The following KMO variants were observed in gnomAD, a reference collection of about 807,000 sequenced individuals.
KMO encodes kynurenine 3-hydroxylase.
A neutral mutation model predicts 57.8 loss-of-function variants in KMO; 24 were observed. That is an observed-to-expected ratio of 0.42 (90% CI 0.30 to 0.58). KMO has a LOEUF of 0.58. KMO is among the 20% of genes least tolerant of loss of function. KMO has a pLI of 0.22. For missense variants in KMO, 483 were observed against 588.2 expected (o/e 0.82, Z 1.85); for synonymous variants, 210 against 193.6 (o/e 1.08, Z -0.70).
intron 7 of KMO, among the ~76,000 whole-genome samples, chr1:241,563,855 C>A (rs761813203): frequency 2.1e-4 from 32 of 151,564 alleles, no homozygotes; most frequent in Non-Finnish European, 4.3e-4. Flanking sequence ...TCTTTTTTTT[C>A]TTTTGTTCTT....
chr1:241,550,614 G>A (rs2147950134), intron 3 of KMO, among the ~76,000 whole-genome samples: 1 of 152,230 alleles, frequency 6.6e-6, no homozygotes, highest in South Asian at 2.1e-4. Context: ...TTGAATGTTA[G>A]GAACCCTGGG....
intron 1 of KMO, among the ~76,000 whole-genome samples, chr1:241,532,814 A>G (rs1056770837): frequency 2.0e-5 from 3 of 152,214 alleles, no homozygotes; most frequent in African/African-American, 7.2e-5. Flanking sequence ...TTTTATCCCC[A>G]AATTGGCTAT....
chr1:241,556,101 A>G (rs1218775370), intron 5 of KMO, among the ~76,000 whole-genome samples: 1 of 152,184 alleles, frequency 6.6e-6, no homozygotes, highest in African/African-American at 2.4e-5. Context: ...TCTCAAAAAA[A>G]GAAATAAATA....
chr1:241,584,818 A>G (rs559588930), intron 10 of KMO, among the ~76,000 whole-genome samples: 2 of 152,348 alleles, frequency 1.3e-5, no homozygotes, highest in East Asian at 3.9e-4. Context: ...CACAGTGGAT[A>G]AGTGCCCAGG....
chr1:241,590,326 A>T (rs773485054), intron 14 of KMO, 63 bp downstream of exon 14: 2 of 1,293,540 alleles, frequency 1.5e-6, no homozygotes, highest in African/African-American at 1.5e-5. Flanking sequence ...TAGTATTATG[A>T]TTATGTTTGT....
At chr1:241,541,010 A>G (rs1170950196) in intron 1 of KMO, among the ~76,000 whole-genome samples, 5 of 152,184 alleles carry the variant, frequency 3.3e-5, no homozygotes, top group Non-Finnish European at 7.3e-5. Context: ...GCAGTGAACT[A>G]TGATCTCAGC....
rs182222215 is a variant in KMO, at chr1:241,557,480, A to G, written c.361+1820A>G. On this transcript the variant is annotated intron_variant, in intron 5 of 14. Transcript: ENST00000366559. Reference sequence around the variant, plus strand: ...TATCTACTGAATGTAATTGAACGTAATGGGATTCAACTGGGAGGAGGAGGC... The same window carrying G: ...TATCTACTGAATGTAATTGAACGTAGTGGGATTCAACTGGGAGGAGGAGGC... Among the ~76,000 whole-genome samples, 298 of 152,322 alleles carry G rather than the reference A, an allele frequency of 2.0e-3. 2 individuals are homozygous for G. The highest frequency in any genetic ancestry group is 6.8e-3 in the African/African-American group (283 of 41,578).
intron 10 of KMO, among the ~76,000 whole-genome samples, chr1:241,577,250 G>A (rs1662556716): frequency 6.6e-6 from 1 of 151,994 alleles, no homozygotes; most frequent in South Asian, 2.1e-4. Context: ...ATTTCATCTT[G>A]GTATGGATCC....
chr1:241,539,389 A>AAAAAAAAAAAAAAAAAC (rs920402236), intron 1 of KMO, among the ~76,000 whole-genome samples: 55 of 150,440 alleles, frequency 3.7e-4, no homozygotes, highest in Middle Eastern at 3.5e-3. Flanking sequence ...GTCTCAAAAA[A>AAAAAAAAAAAAAAAAAC]ATTCCAGAAA....
intron 14 of KMO, among the ~76,000 whole-genome samples, chr1:241,591,017 G>A (rs1312049185): frequency 6.6e-6 from 1 of 152,178 alleles, no homozygotes; most frequent in African/African-American, 2.4e-5. Flanking sequence ...ATTATCTTGA[G>A]AGAAACAGGG....
rs577162257 is a variant in KMO at position 241,537,672 on chromosome 1, G to A, written c.54+5174G>A. Among the ~76,000 whole-genome samples the A allele has an allele frequency of 1.1e-4, 16 of 152,210 alleles. No homozygotes were observed. The South Asian group carries it at 2.3e-3, about 22-fold the overall frequency. On this transcript the variant is annotated intron_variant, in intron 1 of 14. Coordinates refer to ENST00000366559, the MANE Select transcript of KMO (RefSeq NM_003679.5). ...AGAGGTTTAATGGACTCAGTTCCACGTGACTGGGGAGGTCTCATGATGATG... is the reference window on the plus strand; with the variant it reads ...AGAGGTTTAATGGACTCAGTTCCACATGACTGGGGAGGTCTCATGATGATG...
At chr1:241,564,016 T>G (rs1278244615) in intron 7 of KMO, among the ~76,000 whole-genome samples, 1 of 152,164 alleles carries the variant, frequency 6.6e-6, no homozygotes, top group African/African-American at 2.4e-5. Context: ...GACTGCACTG[T>G]AAGGTCAAGA....
At chr1:241,587,167 T>C (rs1663031379) in intron 11 of KMO, among the ~76,000 whole-genome samples, 3 of 152,172 alleles carry the variant, frequency 2.0e-5, no homozygotes, top group Admixed American at 2.0e-4. Context: ...GATGAAACTG[T>C]TCCTGCTCTG....
At chr1:241,580,014 G>A (rs1662689815) in intron 10 of KMO, among the ~76,000 whole-genome samples, 1 of 152,130 alleles carries the variant, frequency 6.6e-6, no homozygotes, top group African/African-American at 2.4e-5. Context: ...ATCAGTTCCA[G>A]TGCTTGGTAG....
chr1:241,532,615 A>C, intron 1 of KMO, 117 bp downstream of exon 1: 1 of 710,390 alleles, frequency 1.4e-6, no homozygotes, highest in Non-Finnish European at 2.4e-6. Flanking sequence ...AAACTCTGAT[A>C]TTTAAATACA....
At chr1:241,567,297 T>C (rs1363307524) in intron 9 of KMO, among the ~76,000 whole-genome samples, 1 of 152,166 alleles carries the variant, frequency 6.6e-6, no homozygotes, top group East Asian at 1.9e-4. Flanking sequence ...AAGTGTAAGA[T>C]CAAGGCACTA....
chr1:241,568,496 G>A lies in KMO; in HGVS notation c.810-4G>A. On this transcript the variant is annotated splice_polypyrimidine_tract_variant and splice_region_variant and intron_variant, in intron 9 of 14. Coordinates refer to ENST00000366559, the MANE Select transcript of KMO (RefSeq NM_003679.5). Reference sequence around the variant, plus strand: ...CTTTATATTCGGATTATTTTCCTTTGAAGGAAACTCCTAGTGCAAGATTTC... The same window carrying A: ...CTTTATATTCGGATTATTTTCCTTTAAAGGAAACTCCTAGTGCAAGATTTC... The A allele has an allele frequency of 1.9e-6, 3 of 1,613,012 alleles. No homozygotes were observed. Among genetic ancestry groups the A allele is most frequent in the Non-Finnish European group, 2.5e-6 (3 of 1,179,218 alleles).
At chr1:241,561,659 A>T (rs1661844378) in intron 6 of KMO, among the ~76,000 whole-genome samples, 1 of 152,196 alleles carries the variant, frequency 6.6e-6, no homozygotes, top group African/African-American at 2.4e-5. Flanking sequence ...CATTCCCCTA[A>T]TAGATAATTT....
intron 1 of KMO, among the ~76,000 whole-genome samples, chr1:241,544,828 A>T (rs1661085977): frequency 6.6e-6 from 1 of 152,186 alleles, no homozygotes; most frequent in Non-Finnish European, 1.5e-5. Context: ...AAGTATATGT[A>T]GATGATTTGT....
Sources: gnomAD v4.1 joint callset for allele counts (sites outside exome capture counted in the v4.1 genomes callset) on GRCh38, gnomAD v4.1.1 for gene constraint, MANE v1.5 for transcripts, NCBI Gene and HGNC (gene_info 2026-07-23, HGNC 2026-07-21) for gene names.